The following RIN2 variants were observed in gnomAD, a reference collection of about 807,000 sequenced individuals.
RIN2 encodes the protein RAB5 interacting protein 2.
A neutral mutation model predicts 78.0 loss-of-function variants in RIN2; 36 were observed. The observed-to-expected ratio is 0.46, with a 90% CI of 0.35 to 0.61. The LOEUF is 0.61. Ranked by LOEUF, RIN2 falls within the 20% of genes least tolerant of loss-of-function variation. RIN2 has a pLI of 0.00. For synonymous variants in RIN2, 466 were observed against 466.8 expected (o/e 1.00, Z 0.02); for missense variants, 1,087 against 1,159.7 (o/e 0.94, Z 0.91).
At chr20:19,956,557 T>C in intron 4 of RIN2, 58 bp from the exon 5 acceptor site, 1 of 1,538,042 alleles carries the variant, frequency 6.5e-7, no homozygotes, top group Non-Finnish European at 8.9e-7. Flanking sequence ...AGGGACGGTC[T>C]CCTTGTTAGG....
chr20:19,962,519 A>G (rs115180726), intron 6 of RIN2, among the ~76,000 whole-genome samples: 1,674 of 152,258 alleles, frequency 0.011, 30 homozygotes, highest in South Asian at 0.05. Context: ...ATAATTTGAC[A>G]AGGCCTCTAA....
intron 4 of RIN2, among the ~76,000 whole-genome samples, chr20:19,955,077 A>G (rs1348198768): frequency 6.6e-6 from 1 of 152,188 alleles, no homozygotes; most frequent in Non-Finnish European, 1.5e-5. Flanking sequence ...CCCTGGAAAG[A>G]AACCTGGTAC....
Position 19,996,788 on chromosome 20 carries a change from GTGGC to G in RIN2, c.2311_2314del (p.Trp771ThrfsTer38). The G allele has an allele frequency of 6.2e-7, 1 of 1,611,360 alleles. No individual in the cohort carries two copies. Among genetic ancestry groups the G allele is most frequent in the Non-Finnish European group, 8.5e-7 (1 of 1,178,718 alleles). On this transcript the variant is annotated frameshift_variant, in exon 12 of 13. Coordinates refer to ENST00000255006, the MANE Select transcript of RIN2 (RefSeq NM_018993.4). LOFTEE classifies it high-confidence loss of function. Reference sequence around the variant, plus strand: ...CAGAAACCAGAGACACCCTGAGGCAGTGGCACAAACGGAGAACCACCAACCGGAC... The same window carrying G: ...CAGAAACCAGAGACACCCTGAGGCAGACAAACGGAGAACCACCAACCGGAC...
At chr20:19,776,428 C>T in intron 1 of RIN2, among the ~76,000 whole-genome samples, 1 of 152,138 alleles carries the variant, frequency 6.6e-6, no homozygotes, top group Non-Finnish European at 1.5e-5. Context: ...AACCAATTGC[C>T]AATCAGAAAA....
chr20:19,867,218 C>T (rs766422890), intron 2 of RIN2, among the ~76,000 whole-genome samples: 8 of 152,140 alleles, frequency 5.3e-5, no homozygotes, highest in African/African-American at 1.9e-4. Context: ...CACACACACA[C>T]TTTTTTCTAA....
Position 19,967,697 on chromosome 20 carries a change from A to C in RIN2, c.536+2673A>C, listed in dbSNP as rs1438162138. On this transcript the variant is annotated intron_variant, in intron 7 of 12. Transcript: ENST00000255006. Reference sequence around the variant, plus strand: ...GTGTAGTAGTGAGAGTACTAGAGTCATTTGGAGTCTTGCTAAATGCAGAAT... The same window carrying C: ...GTGTAGTAGTGAGAGTACTAGAGTCCTTTGGAGTCTTGCTAAATGCAGAAT... Among the ~76,000 whole-genome samples the C allele has an allele frequency of 2.6e-5, 4 of 152,210 alleles. No individual in the cohort carries two copies. In the East Asian group the frequency reaches 7.7e-4, roughly 29 times the overall value.
At chr20:19,948,950 A>G (rs543238099) in intron 4 of RIN2, among the ~76,000 whole-genome samples, 1 of 152,058 alleles carries the variant, frequency 6.6e-6, no homozygotes, top group Admixed American at 6.5e-5. Flanking sequence ...TTATAGGTAC[A>G]GGCCACTGCA....
At chr20:19,949,801 C>T (rs1418532595) in intron 4 of RIN2, among the ~76,000 whole-genome samples, 2 of 152,158 alleles carry the variant, frequency 1.3e-5, no homozygotes, top group East Asian at 3.9e-4. Flanking sequence ...ACTGTAATGT[C>T]TTCTGGAATT....
chr20:19,862,548 G>A (rs1015589892), intron 2 of RIN2, among the ~76,000 whole-genome samples: 3 of 152,132 alleles, frequency 2.0e-5, no homozygotes, highest in Admixed American at 1.3e-4. Context: ...AGCCAATATC[G>A]TGCCACTGCA....
intron 4 of RIN2, among the ~76,000 whole-genome samples, chr20:19,949,297 A>G (rs1016090933): frequency 4.6e-5 from 7 of 152,174 alleles, no homozygotes; most frequent in African/African-American, 1.7e-4. Context: ...AAATAAATAA[A>G]AATCTAATTG....
intron 7 of RIN2, among the ~76,000 whole-genome samples, chr20:19,967,648 C>T (rs182975710): frequency 2.6e-5 from 4 of 152,280 alleles, no homozygotes; most frequent in East Asian, 1.9e-4. Flanking sequence ...TGCCTGGCAA[C>T]GCTCTGTTGA....
chr20:19,939,179 C>T (rs1350375225), intron 4 of RIN2, among the ~76,000 whole-genome samples: 8 of 152,210 alleles, frequency 5.3e-5, no homozygotes, highest in African/African-American at 1.9e-4. Flanking sequence ...CCCAACATAG[C>T]TGGGATTACA....
intron 4 of RIN2, among the ~76,000 whole-genome samples, chr20:19,938,885 C>T (rs1357128663): frequency 6.6e-6 from 1 of 152,160 alleles, no homozygotes; most frequent in Non-Finnish European, 1.5e-5. Context: ...TAACCAACTG[C>T]CCACTCAGGA....
chr20:19,839,371 T>G (rs1322666218), intron 2 of RIN2, among the ~76,000 whole-genome samples: 1 of 152,210 alleles, frequency 6.6e-6, no homozygotes, highest in Admixed American at 6.5e-5. Flanking sequence ...AGATCCGCCG[T>G]ATCATACCAG....
At chr20:19,781,174 G>A (rs1326133630) in intron 1 of RIN2, among the ~76,000 whole-genome samples, 1 of 152,184 alleles carries the variant, frequency 6.6e-6, no homozygotes, top group Admixed American at 6.5e-5. Context: ...ATGAGTGAGG[G>A]TGGCATATGT....
chr20:19,877,693 C>T (rs2037898489), intron 2 of RIN2, among the ~76,000 whole-genome samples: 2 of 152,014 alleles, frequency 1.3e-5, no homozygotes, highest in Non-Finnish European at 2.9e-5. Flanking sequence ...CTTTTGCAAA[C>T]CAGGATTGGA....
At position 19,855,847 on chromosome 20, in the gene RIN2, G is replaced by A. The variant is rs112286814; in HGVS notation, c.-36-33719G>A. Among the ~76,000 whole-genome samples, 335 of 152,236 alleles carry A rather than the reference G, an allele frequency of 2.2e-3. 1 individual carries two copies. Among genetic ancestry groups the A allele is most frequent in the Non-Finnish European group, 1.7e-3 (119 of 68,006 alleles). On this transcript the variant is annotated intron_variant, in intron 2 of 12. Coordinates refer to ENST00000255006, the MANE Select transcript of RIN2 (RefSeq NM_018993.4). Reference sequence around the variant, plus strand: ...TCCTAGCACTTTGGGAGGCCAAGGCGGGTGGATCACAAGGTCAGGAGTTCG... The same window carrying A: ...TCCTAGCACTTTGGGAGGCCAAGGCAGGTGGATCACAAGGTCAGGAGTTCG...
chr20:19,848,151 G>A (rs531238617), intron 2 of RIN2, among the ~76,000 whole-genome samples: 6 of 152,248 alleles, frequency 3.9e-5, no homozygotes, highest in African/African-American at 1.4e-4. Flanking sequence ...GTTAAGTGGT[G>A]TACTTTTTGA....
In RIN2 at chr20:19,929,809, A is replaced by G. The variant is rs73901335; in HGVS notation, c.58-5290A>G. Reference sequence around the variant, plus strand: ...ATGAGATTGAAAGTCTGTGAGAATTAGAAACAAACAAATAAATCAACACAA... The same window carrying G: ...ATGAGATTGAAAGTCTGTGAGAATTGGAAACAAACAAATAAATCAACACAA... On this transcript the variant is annotated intron_variant, in intron 3 of 12. Coordinates refer to ENST00000255006, the MANE Select transcript of RIN2 (RefSeq NM_018993.4). 5.2e-3 allele frequency among the ~76,000 whole-genome samples: 788 copies of G among 152,366 alleles called. 10 individuals carry two copies. The highest frequency in any genetic ancestry group is 0.018 in the African/African-American group (743 of 41,576).
Sources: allele counts gnomAD v4.1 joint callset (sites outside exome capture counted in the v4.1 genomes callset), GRCh38; gene constraint gnomAD v4.1.1; transcripts MANE v1.5; gene names NCBI Gene and HGNC (gene_info 2026-07-23, HGNC 2026-07-21).